RNF38: variants seen among roughly 807,000 people sequenced by gnomAD.
The protein encoded by RNF38 is E3 ubiquitin-protein ligase RNF38.
Under a neutral mutation model 67.2 loss-of-function variants are expected in RNF38, and 15 were observed. That is an observed-to-expected ratio of 0.22 (90% CI 0.15 to 0.34). The LOEUF is 0.34. Ranked by LOEUF, RNF38 falls within the 10% of genes least tolerant of loss-of-function variation. The probability of loss-of-function intolerance (pLI) is 1.00; values close to 1 mark genes in which losing one functional copy is unlikely to be tolerated. For missense variants in RNF38, 524 were observed against 639.9 expected (o/e 0.82, Z 1.95); for synonymous variants, 220 against 218.8 (o/e 1.01, Z -0.05).
rs554986603 is a variant in RNF38 at position 36,398,426 on chromosome 9, A to AT, written c.12+1670dup. On this transcript the variant is annotated intron_variant, in intron 1 of 11. Transcript: ENST00000259605. ...CTGGAAAAACTAAAATTAAAAAAAA[A>AT]TTTTTTTAATGAAAGATGTAAGAGT... is the stretch of plus-strand genomic sequence containing the variant. Among the ~76,000 whole-genome samples the AT allele has an allele frequency of 7.2e-5, 11 of 152,258 alleles. No individual in the cohort carries two copies. The South Asian group carries it at 1.9e-3, about 26-fold the overall frequency.
chr9:36,485,002 T>C (rs1266647867), intron 1 of RNF38, among the ~76,000 whole-genome samples: 3 of 152,010 alleles, frequency 2.0e-5, no homozygotes, highest in South Asian at 2.1e-4. Flanking sequence ...CCGTCTCTAC[T>C]AAAAATACAA....
chr9:36,439,874 G>A (rs934039016), intron 1 of RNF38, among the ~76,000 whole-genome samples: 2 of 151,398 alleles, frequency 1.3e-5, no homozygotes, highest in African/African-American at 4.9e-5. Flanking sequence ...AAATTTGTCT[G>A]GCATAATTTG....
At chr9:36,455,949 C>T (rs1839584519) in intron 1 of RNF38, among the ~76,000 whole-genome samples, 1 of 150,986 alleles carries the variant, frequency 6.6e-6, no homozygotes, top group South Asian at 2.1e-4. Flanking sequence ...TAACTTAATT[C>T]ATTTTTTCTT....
chr9:36,370,209 T>C (rs1835271146), intron 3 of RNF38, among the ~76,000 whole-genome samples: 1 of 152,190 alleles, frequency 6.6e-6, no homozygotes, highest in Admixed American at 6.5e-5. Flanking sequence ...ATTGCCCTTT[T>C]TATAAGTGAA....
upstream of RNF38, among the ~76,000 whole-genome samples, chr9:36,404,907 G>T (rs1838141716): frequency 8.4e-6 from 1 of 118,882 alleles, no homozygotes; most frequent in South Asian, 2.8e-4. Context: ...TACGGTGTTT[G>T]TAGTTTTGTT....
In RNF38 at chr9:36,391,714, C is replaced by T. The variant is rs554095288; in HGVS notation, c.13-1098G>A. Among the ~76,000 whole-genome samples the T allele has an allele frequency of 3.3e-5, 5 of 151,020 alleles. No homozygotes were observed. The South Asian group carries it at 1.0e-3, about 32-fold the overall frequency. On this transcript the variant is annotated intron_variant, in intron 1 of 11. Transcript: ENST00000259605. Reference sequence around the variant, plus strand: ...TGCAGGCTCCACCCACTGGGGTTCACGCCATTCTCCTGCCTCAGCCTGCAG... The same window carrying T: ...TGCAGGCTCCACCCACTGGGGTTCATGCCATTCTCCTGCCTCAGCCTGCAG...
intron 1 of RNF38, among the ~76,000 whole-genome samples, chr9:36,436,695 C>T (rs1449548839): frequency 4.6e-5 from 7 of 151,620 alleles, no homozygotes; most frequent in African/African-American, 7.3e-5. Context: ...TGGTGGCAGG[C>T]GCCTGTAGTC....
In RNF38 at chr9:36,376,091, A is replaced by C; in HGVS notation, c.199T>G (p.Ser67Ala). Reference protein sequence around the residue: ...DSPSPKRQRLSHSVFDYTSAS... With the variant: ...DSPSPKRQRLAHSVFDYTSAS... ...GATGTATAATCAAAGACTGAATGAG[A>C]GAGGCGCTGTCTCTTAGGACTTGGA... The change falls in exon 3 of 12, where the codon TCT becomes GCT. Residue 67 changes from serine to alanine, a missense_variant. By Grantham distance (99) the Ser-to-Ala change is moderately conservative. Coordinates refer to ENST00000259605, the MANE Select transcript of RNF38 (RefSeq NM_022781.5). 6.2e-7 allele frequency: 1 copy of C among 1,608,070 alleles called. No homozygotes were observed. Among genetic ancestry groups the C allele is most frequent in the Non-Finnish European group, 8.5e-7 (1 of 1,178,040 alleles).
At chr9:36,400,417 C>A, upstream of RNF38, 2 of 1,116,588 alleles carry the variant, frequency 1.8e-6, no homozygotes, top group Non-Finnish European at 2.2e-6. Flanking sequence ...CGCGCCTCCT[C>A]GCCACCGCGG....
At chr9:36,480,376 T>C (rs114300056) in intron 1 of RNF38, among the ~76,000 whole-genome samples, 307 of 152,152 alleles carry the variant, frequency 2.0e-3, no homozygotes, top group South Asian at 8.3e-3. Flanking sequence ...TCTCTGACAA[T>C]AAAACAAATT....
intron 1 of RNF38, among the ~76,000 whole-genome samples, chr9:36,469,061 G>A (rs951501282): frequency 1.1e-4 from 16 of 152,102 alleles, no homozygotes; most frequent in Admixed American, 1.0e-3. Flanking sequence ...GCAGTGAGCT[G>A]AGATCGCACC....
chr9:36,393,801 A>G (rs1400252873), intron 1 of RNF38, among the ~76,000 whole-genome samples: 8 of 152,200 alleles, frequency 5.3e-5, no homozygotes, highest in African/African-American at 1.9e-4. Flanking sequence ...TCTCTTGCCA[A>G]TTCTTCAGAC....
intron 1 of RNF38, among the ~76,000 whole-genome samples, chr9:36,466,798 T>C (rs765085470): frequency 6.6e-5 from 10 of 152,114 alleles, no homozygotes; most frequent in Non-Finnish European, 1.0e-4. Context: ...TTTTCTCTAA[T>C]ATACATTTCT....
At chr9:36,417,361 C>T (rs983305654) in intron 2 of RNF38, among the ~76,000 whole-genome samples, 1 of 152,134 alleles carries the variant, frequency 6.6e-6, no homozygotes. Context: ...TTTGTCCATC[C>T]GAGTAGAAGC....
chr9:36,380,372 T>C (rs1374211089), intron 2 of RNF38, among the ~76,000 whole-genome samples: 2 of 152,160 alleles, frequency 1.3e-5, no homozygotes, highest in East Asian at 3.9e-4. Context: ...GCTAATTTTG[T>C]ATTTTTAAGT....
In RNF38 at chr9:36,452,487, CA is replaced by C. The variant is rs1445477638; in HGVS notation, n.242-27805del. On this transcript the variant is annotated intron_variant and non_coding_transcript_variant, in intron 1 of 3. Coordinates refer to the RNF38 transcript ENST00000488058. Reference sequence around the variant, plus strand: ...TTTGTGTCTGGTTTCTTTCACTTAGCATGTTTTGAATGTTCATCCATGTTGT... The same window carrying C: ...TTTGTGTCTGGTTTCTTTCACTTAGCTGTTTTGAATGTTCATCCATGTTGT... Among the ~76,000 whole-genome samples the C allele has an allele frequency of 8.6e-5, 13 of 151,504 alleles. No homozygotes were observed. The South Asian group carries it at 2.5e-3, about 29-fold the overall frequency.
At chr9:36,446,019 G>A (rs913639447) in intron 1 of RNF38, among the ~76,000 whole-genome samples, 3 of 152,076 alleles carry the variant, frequency 2.0e-5, no homozygotes, top group Admixed American at 1.3e-4. Context: ...CATCTTTCCC[G>A]CCTCTTAAAC....
At chr9:36,359,485 T>G (rs1042948454) in intron 4 of RNF38, among the ~76,000 whole-genome samples, 1 of 152,216 alleles carries the variant, frequency 6.6e-6, no homozygotes. Flanking sequence ...GCCTCTACAG[T>G]GAAATACCAT....
intron 2 of RNF38, among the ~76,000 whole-genome samples, chr9:36,382,265 A>G (rs1836267435): frequency 6.6e-6 from 1 of 152,238 alleles, no homozygotes; most frequent in African/African-American, 2.4e-5. Context: ...ACATTACAGT[A>G]TAGAACACTG....
Sources: allele counts gnomAD v4.1 joint callset (sites outside exome capture counted in the v4.1 genomes callset), GRCh38; gene constraint gnomAD v4.1.1; transcripts MANE v1.5; gene names NCBI Gene and HGNC (gene_info 2026-07-23, HGNC 2026-07-21).